The following DNM3 variants were observed in gnomAD, a reference collection of about 807,000 sequenced individuals.
DNM3 encodes dynamin 3.
A neutral mutation model predicts 101.6 loss-of-function variants in DNM3; 47 were observed. That is an observed-to-expected ratio of 0.46 (90% CI 0.37 to 0.59). DNM3 has a LOEUF of 0.59. Ranked by LOEUF, DNM3 falls within the 20% of genes least tolerant of loss-of-function variation. The pLI, the probability that DNM3 is intolerant of heterozygous loss-of-function variation, is 0.00. For synonymous variants in DNM3, 385 were observed against 387.9 expected (o/e 0.99, Z 0.09); for missense variants, 849 against 1,085.7 (o/e 0.78, Z 3.06).
At chr1:172,213,774 A>G (rs1221923909) in intron 14 of DNM3, among the ~76,000 whole-genome samples, 1 of 151,604 alleles carries the variant, frequency 6.6e-6, no homozygotes, top group Non-Finnish European at 1.5e-5. Flanking sequence ...GTTGTGCTGA[A>G]CCAAGATCAT....
At chr1:172,370,572 T>C (rs577370502) in intron 17 of DNM3, among the ~76,000 whole-genome samples, 1 of 152,134 alleles carries the variant, frequency 6.6e-6, no homozygotes, top group South Asian at 2.1e-4. Flanking sequence ...CCTACATTTG[T>C]TGAGTGATTA....
chr1:171,982,225 T>C (rs998783748), intron 2 of DNM3, among the ~76,000 whole-genome samples: 20 of 152,212 alleles, frequency 1.3e-4, no homozygotes, highest in African/African-American at 3.9e-4. Flanking sequence ...TAGTATACTA[T>C]AGTAGAAGAC....
At chr1:172,354,142 A>AGAGAGAG (rs1553242888) in intron 17 of DNM3, among the ~76,000 whole-genome samples, 1 of 149,588 alleles carries the variant, frequency 6.7e-6, no homozygotes, top group Admixed American at 6.7e-5. Context: ...AGAGAGAGAG[A>AGAGAGAG]AATAAGACAT....
intron 15 of DNM3, among the ~76,000 whole-genome samples, chr1:172,291,507 G>T (rs1039338998): frequency 1.3e-5 from 2 of 152,108 alleles, no homozygotes; most frequent in Non-Finnish European, 2.9e-5. Flanking sequence ...GTAGTCTCAT[G>T]GATTTGTTGG....
At chr1:172,253,221 A>G (rs1421083535) in intron 14 of DNM3, among the ~76,000 whole-genome samples, 1 of 152,046 alleles carries the variant, frequency 6.6e-6, no homozygotes, top group Non-Finnish European at 1.5e-5. Flanking sequence ...AAACATCTAA[A>G]AGGACCCACA....
chr1:172,023,846 G>GT (rs57539519), intron 4 of DNM3, among the ~76,000 whole-genome samples: 2 of 138,928 alleles, frequency 1.4e-5, no homozygotes, highest in Admixed American at 1.4e-4. Context: ...TAACAATGTG[G>GT]TTTTTTTTTT....
Position 172,134,376 on chromosome 1 carries a change from A to G in DNM3, c.1659+3088A>G, listed in dbSNP as rs59343589. Among the ~76,000 whole-genome samples, 1,120 of 152,272 alleles carry G rather than the reference A, an allele frequency of 7.4e-3. 11 individuals carry two copies. Among genetic ancestry groups the G allele is most frequent in the African/African-American group, 0.025 (1,037 of 41,556 alleles). ...TTGCAACCACAACTCAAACTCAATGATGATCTTAATGAGGAGGATCATCAC... is the reference window on the plus strand; with the variant it reads ...TTGCAACCACAACTCAAACTCAATGGTGATCTTAATGAGGAGGATCATCAC... On this transcript the variant is annotated intron_variant, in intron 14 of 20. Coordinates refer to ENST00000627582, the MANE Select transcript of DNM3 (RefSeq NM_015569.5).
intron 18 of DNM3, among the ~76,000 whole-genome samples, chr1:172,383,678 T>C (rs1237444638): frequency 6.6e-6 from 1 of 152,140 alleles, no homozygotes; most frequent in East Asian, 1.9e-4. Context: ...GTCTCAGTCA[T>C]AGAAAAGAAG....
chr1:172,139,161 G>C, intron 14 of DNM3: 1 of 311,750 alleles, frequency 3.2e-6, no homozygotes, highest in Non-Finnish European at 6.2e-6. Flanking sequence ...GAAAAAAAGA[G>C]ATTAAACACA....
chr1:172,273,448 C>T (rs562134243), intron 15 of DNM3, among the ~76,000 whole-genome samples: 2 of 151,916 alleles, frequency 1.3e-5, no homozygotes, highest in Admixed American at 1.3e-4. Context: ...CATTGCAAAA[C>T]AAGACAAAAA....
intron 14 of DNM3, among the ~76,000 whole-genome samples, chr1:172,234,798 T>G (rs573309951): frequency 2.0e-5 from 3 of 152,294 alleles, no homozygotes; most frequent in South Asian, 4.1e-4. Context: ...GCTAGCCATA[T>G]GTAGAAAGCT....
intron 15 of DNM3, among the ~76,000 whole-genome samples, chr1:172,307,391 T>C (rs564809918): frequency 2.2e-4 from 33 of 152,310 alleles, no homozygotes; most frequent in African/African-American, 7.9e-4. Flanking sequence ...CTGGAGAGGA[T>C]GTGGAGAAAT....
intron 15 of DNM3, among the ~76,000 whole-genome samples, chr1:172,303,451 C>G (rs1168993796): frequency 6.6e-6 from 1 of 152,166 alleles, no homozygotes; most frequent in Non-Finnish European, 1.5e-5. Flanking sequence ...GGTTGGAAAA[C>G]ACTCTTCAGG....
At chr1:172,179,531 T>A (rs968084908) in intron 14 of DNM3, among the ~76,000 whole-genome samples, 6 of 152,004 alleles carry the variant, frequency 3.9e-5, no homozygotes, top group Admixed American at 1.3e-4. Flanking sequence ...GAGAAGTTTT[T>A]TTTGCTATGG....
chr1:171,921,591 G>A (rs2040173492), intron 1 of DNM3, among the ~76,000 whole-genome samples, 157 bp from the exon 2 acceptor site: 1 of 151,842 alleles, frequency 6.6e-6, no homozygotes, highest in Admixed American at 6.6e-5. Flanking sequence ...TTTTAAATTT[G>A]AAAATGCTTC....
Position 172,079,869 on chromosome 1 carries a change from A to T in DNM3, c.1423-1963A>T, listed in dbSNP as rs186399619. ...TCTGTTTGTTAGTTTTCCTTCTAAC[A>T]GTCAGGCCCCTCTGCTGCAGGTCTG... On this transcript the variant is annotated intron_variant, in intron 11 of 20. Transcript: ENST00000627582. Among the ~76,000 whole-genome samples, 853 of 152,224 alleles carry T rather than the reference A, an allele frequency of 5.6e-3. 6 individuals carry two copies. Among genetic ancestry groups the T allele is most frequent in the African/African-American group, 0.02 (819 of 41,520 alleles).
chr1:172,153,170 T>C (rs2148241405), intron 14 of DNM3, among the ~76,000 whole-genome samples: 1 of 152,240 alleles, frequency 6.6e-6, no homozygotes, highest in East Asian at 1.9e-4. Context: ...ATTTGTCAAA[T>C]GGTGTAAAGA....
Position 171,902,933 on chromosome 1 carries a change from G to A in DNM3, c.162-18815G>A, listed in dbSNP as rs138412881. On this transcript the variant is annotated intron_variant, in intron 1 of 20. Coordinates refer to ENST00000627582, the MANE Select transcript of DNM3 (RefSeq NM_015569.5). ...TTTGGGAGGCTCAGGCGGGAAGATC[G>A]CTTTAGTCCATGAGTTCAAGACCAG... Among the ~76,000 whole-genome samples, 773 of 152,142 alleles carry A rather than the reference G, an allele frequency of 5.1e-3. 16 individuals carry two copies. Among genetic ancestry groups the A allele is most frequent in the African/African-American group, 0.017 (714 of 41,494 alleles).
intron 15 of DNM3, chr1:172,289,473 T>A (rs1169176155): frequency 3.8e-6 from 3 of 779,238 alleles, no homozygotes; most frequent in Non-Finnish European, 3.1e-6. Context: ...TCTAATTTTG[T>A]TTTCTCATCT....
Sources: gnomAD v4.1 joint callset for allele counts (sites outside exome capture counted in the v4.1 genomes callset) on GRCh38, gnomAD v4.1.1 for gene constraint, MANE v1.5 for transcripts, NCBI Gene and HGNC (gene_info 2026-07-23, HGNC 2026-07-21) for gene names.